The following ARMH4 variants were observed in gnomAD, a reference collection of about 807,000 sequenced individuals.
ARMH4 encodes armadillo-like helical domain-containing protein 4.
A neutral mutation model predicts 61.9 loss-of-function variants in ARMH4; 49 were observed. That is an observed-to-expected ratio of 0.79 (90% CI 0.63 to 1.00). ARMH4 has a LOEUF of 1.00. Among genes scored for constraint, ARMH4 ranks in the 50% least tolerant of loss-of-function variants. ARMH4 has a pLI of 0.00. For synonymous variants in ARMH4, 368 were observed against 341.5 expected (o/e 1.08, Z -0.85); for missense variants, 934 against 930.0 (o/e 1.00, Z -0.06).
intron 5 of ARMH4, among the ~76,000 whole-genome samples, chr14:58,071,837 A>G (rs1244648168): frequency 6.6e-6 from 1 of 152,228 alleles, no homozygotes; most frequent in Non-Finnish European, 1.5e-5. Context: ...TTCTTTATGC[A>G]TTTCAAATAG....
chr14:58,102,440 CAAGT>C (rs1357154883), intron 4 of ARMH4, among the ~76,000 whole-genome samples: 1 of 152,016 alleles, frequency 6.6e-6, no homozygotes, highest in African/African-American at 2.4e-5. Context: ...TTTGCAGGTA[CAAGT>C]AAGTTAAAGA....
At position 58,074,803 on chromosome 14, in the gene ARMH4, T is replaced by A. The variant is rs550784860; in HGVS notation, c.2089+21921A>T. Among the ~76,000 whole-genome samples, 40 of 152,368 alleles carry A rather than the reference T, an allele frequency of 2.6e-4. No individual in the cohort carries two copies. In the South Asian group the frequency reaches 7.2e-3, roughly 28 times the overall value. On this transcript the variant is annotated intron_variant, in intron 5 of 7. Transcript: ENST00000267485. ...AATATAATTTATTTAGTTGTAAATTTATATAATTTGATTTCTATTAATGGC... is the reference window on the plus strand; with the variant it reads ...AATATAATTTATTTAGTTGTAAATTAATATAATTTGATTTCTATTAATGGC...
intron 1 of ARMH4, among the ~76,000 whole-genome samples, chr14:58,150,502 A>C (rs1297863437): frequency 6.6e-6 from 1 of 152,162 alleles, no homozygotes; most frequent in African/African-American, 2.4e-5. Context: ...TTGATTCTAC[A>C]CTTATATTTA....
intron 5 of ARMH4, among the ~76,000 whole-genome samples, chr14:58,020,929 A>G (rs1033801837): frequency 3.3e-5 from 5 of 152,216 alleles, no homozygotes; most frequent in African/African-American, 1.2e-4. Context: ...GCCTGAGTCC[A>G]AAGGCCTGAG....
chr14:58,138,509 C>T lies in ARMH4; in HGVS notation c.850G>A (p.Glu284Lys), dbSNP rs759628125. ...CCCAGCAGACTATCAGTTTCTGGCT[C>T]AACACTCAGGGTGTACTCGGAAGTT... ...LETSEYTLSV[E>K]PETDSLLGAP... The change falls in exon 2 of 8, where the codon GAG becomes AAG. Residue 284 changes from glutamate to lysine, a missense_variant. By Grantham distance (56) the Glu-to-Lys change is moderately conservative (BLOSUM62 1). Coordinates refer to ENST00000267485, the MANE Select transcript of ARMH4 (RefSeq NM_001001872.4). 15 of 1,614,106 alleles carry T rather than the reference C, an allele frequency of 9.3e-6. No individual in the cohort carries two copies. The highest frequency in any genetic ancestry group is 2.2e-5 in the East Asian group (1 of 44,890).
chr14:58,137,611 T>C (rs1887349369), intron 2 of ARMH4, among the ~76,000 whole-genome samples: 1 of 152,198 alleles, frequency 6.6e-6, no homozygotes, highest in African/African-American at 2.4e-5. Flanking sequence ...TTGGCCAGGC[T>C]GGTCTCGAAC....
At chr14:58,055,178 T>C (rs1292901770) in intron 5 of ARMH4, among the ~76,000 whole-genome samples, 1 of 152,240 alleles carries the variant, frequency 6.6e-6, no homozygotes, top group Non-Finnish European at 1.5e-5. Context: ...GTCTCTATTA[T>C]AGACAGGAAA....
At chr14:58,096,095 C>T (rs1339357521) in intron 5 of ARMH4, among the ~76,000 whole-genome samples, 1 of 152,116 alleles carries the variant, frequency 6.6e-6, no homozygotes, top group African/African-American at 2.4e-5. Flanking sequence ...TCACCACAAG[C>T]ACGGGCCATG....
At chr14:58,131,463 T>C (rs1887091718) in intron 4 of ARMH4, 49 bp downstream of exon 4, 1 of 1,440,534 alleles carries the variant, frequency 6.9e-7, no homozygotes, top group African/African-American at 1.4e-5. Context: ...ATTTGCTCAG[T>C]GACTCACTCA....
rs1448017953 is a variant in ARMH4 at position 58,138,724 on chromosome 14, G to C, written c.635C>G (p.Thr212Ser). The change falls in exon 2 of 8, where the codon ACT becomes AGT. Residue 212 changes from threonine (T) to serine (S), a missense_variant. By Grantham distance (58) the Thr-to-Ser change is moderately conservative. Transcript: ENST00000267485. Reference sequence around the variant, plus strand: ...TGGATTGGTGGTTAGCATTTCCTTAGTATTCACATAGGATGAAGGTGAATG... The same window carrying C: ...TGGATTGGTGGTTAGCATTTCCTTACTATTCACATAGGATGAAGGTGAATG... The part of the protein sequence containing the change: ...LGHSPSSYVN[T>S]KEMLTTNPKT... The C allele has an allele frequency of 1.2e-6, 2 of 1,614,158 alleles. No homozygotes were observed. Among genetic ancestry groups the C allele is most frequent in the South Asian group, 2.2e-5 (2 of 91,090 alleles).
chr14:58,070,822 T>G (rs2141227392), intron 5 of ARMH4, among the ~76,000 whole-genome samples: 1 of 152,272 alleles, frequency 6.6e-6, no homozygotes, highest in South Asian at 2.1e-4. Flanking sequence ...ATTTTTTTAT[T>G]TTTTTGTACC....
At chr14:58,097,276 T>G (rs1285312526) in intron 4 of ARMH4, among the ~76,000 whole-genome samples, 1 of 152,242 alleles carries the variant, frequency 6.6e-6, no homozygotes, top group Non-Finnish European at 1.5e-5. Flanking sequence ...TTTACAAGGG[T>G]AGTAAACATC....
At chr14:58,122,160 A>G (rs2141306801) in intron 4 of ARMH4, among the ~76,000 whole-genome samples, 1 of 152,332 alleles carries the variant, frequency 6.6e-6, no homozygotes, top group South Asian at 2.1e-4. Flanking sequence ...AATCACAAAT[A>G]GCAGGAGACA....
At chr14:58,102,325 C>G (rs1886011543) in intron 4 of ARMH4, among the ~76,000 whole-genome samples, 2 of 152,110 alleles carry the variant, frequency 1.3e-5, no homozygotes, top group Non-Finnish European at 2.9e-5. Flanking sequence ...ACAGACTTGA[C>G]ATGTGTTTTG....
intron 5 of ARMH4, among the ~76,000 whole-genome samples, chr14:58,065,074 T>C (rs1039856235): frequency 5.3e-5 from 8 of 152,092 alleles, no homozygotes; most frequent in Non-Finnish European, 1.2e-4. Flanking sequence ...AAACCCCGTC[T>C]CTACTAAAAA....
intron 5 of ARMH4, among the ~76,000 whole-genome samples, chr14:58,039,453 A>G (rs1381427227): frequency 6.6e-6 from 1 of 152,188 alleles, no homozygotes; most frequent in Non-Finnish European, 1.5e-5. Flanking sequence ...AACACGTTGC[A>G]TTTTTACAAC....
chr14:58,132,996 T>C (rs1887170052), intron 3 of ARMH4, 94 bp downstream of exon 3: 3 of 1,397,644 alleles, frequency 2.1e-6, no homozygotes, highest in Admixed American at 1.8e-5. Context: ...CGCGCGCTGA[T>C]GGCAATGTCG....
At position 58,051,887 on chromosome 14, in the gene ARMH4, G is replaced by A. The variant is rs544486621; in HGVS notation, c.2090-39737C>T. On this transcript the variant is annotated intron_variant, in intron 5 of 7. Coordinates refer to ENST00000267485, the MANE Select transcript of ARMH4 (RefSeq NM_001001872.4). ...AGAGCACTCTTTAAAAGACAGCTAGGCCTGATTATCTAGTTAACAACTCAA... is the reference window on the plus strand; with the variant it reads ...AGAGCACTCTTTAAAAGACAGCTAGACCTGATTATCTAGTTAACAACTCAA... Among the ~76,000 whole-genome samples, 186 of 152,192 alleles carry A rather than the reference G, an allele frequency of 1.2e-3. 1 individual carries two copies. Among genetic ancestry groups the A allele is most frequent in the African/African-American group, 3.6e-3 (150 of 41,528 alleles).
At chr14:58,080,291 G>T (rs1188117119) in intron 5 of ARMH4, among the ~76,000 whole-genome samples, 1 of 151,878 alleles carries the variant, frequency 6.6e-6, no homozygotes, top group African/African-American at 2.4e-5. Flanking sequence ...CACCACACCT[G>T]GCTAATTTTG....
Sources: gnomAD v4.1 joint callset for allele counts (sites outside exome capture counted in the v4.1 genomes callset) on GRCh38, gnomAD v4.1.1 for gene constraint, MANE v1.5 for transcripts, NCBI Gene and HGNC (gene_info 2026-07-23, HGNC 2026-07-21) for gene names.